Variants in CFAP57 observed in about 807,000 individuals in gnomAD.
CFAP57 encodes the protein cilia and flagella associated protein 57.
Under a neutral mutation model 146.8 loss-of-function variants are expected in CFAP57, and 116 were observed. The observed-to-expected ratio is 0.79, with a 90% CI of 0.68 to 0.92. The LOEUF (loss-of-function observed/expected upper bound fraction) is 0.92, where lower values mean the gene tolerates loss of function less well. Among genes scored for constraint, CFAP57 ranks in the 40% least tolerant of loss-of-function variants. The pLI, the probability that CFAP57 is intolerant of heterozygous loss-of-function variation, is 0.00. For synonymous variants in CFAP57, 518 were observed against 552.8 expected, an observed-to-expected ratio of 0.94 and a Z score of 0.88; for missense variants, 1,377 against 1,527.2, an observed-to-expected ratio of 0.90 and a Z score of 1.64.
intron 10 of CFAP57, among the ~76,000 whole-genome samples, chr1:43,208,824 G>T (rs1053048096): frequency 6.7e-6 from 1 of 149,802 alleles, no homozygotes; most frequent in African/African-American, 2.4e-5. Context: ...AAAAAAATAT[G>T]TGTGTAGGTG....
chr1:43,227,843 T>C (rs1455778281), intron 18 of CFAP57, among the ~76,000 whole-genome samples: 1 of 152,188 alleles, frequency 6.6e-6, no homozygotes, highest in African/African-American at 2.4e-5. Flanking sequence ...CAGTTTTCCC[T>C]CTCTCAGTTA....
At chr1:43,227,170 CTCT>C (rs1249808847) in intron 18 of CFAP57, 44 bp downstream of exon 18, 3 of 1,468,250 alleles carry the variant, frequency 2.0e-6, no homozygotes, top group Non-Finnish European at 2.7e-6. Context: ...GACCCTCTGT[CTCT>C]TCTTCCACAA....
chr1:43,242,825 T>C (rs1645976060), intron 21 of CFAP57, among the ~76,000 whole-genome samples: 1 of 152,096 alleles, frequency 6.6e-6, no homozygotes, highest in Non-Finnish European at 1.5e-5. Context: ...AATAACAATT[T>C]ATAATTGTTT....
chr1:43,235,118 C>T (rs549887182), intron 21 of CFAP57, among the ~76,000 whole-genome samples: 12 of 152,198 alleles, frequency 7.9e-5, no homozygotes, highest in East Asian at 5.8e-4. Context: ...CTCGTGGCCA[C>T]GCCTCATCTG....
At chr1:43,185,426 C>T in intron 5 of CFAP57, 70 bp downstream of exon 5, 1 of 1,440,694 alleles carries the variant, frequency 6.9e-7, no homozygotes. Context: ...CAGCAGTTCT[C>T]TGAGAAGGCA....
In CFAP57 at chr1:43,199,482, C is replaced by G; in HGVS notation, c.1521C>G (p.Ser507Arg). 1 of 1,614,166 alleles carries G rather than the reference C, an allele frequency of 6.2e-7. No homozygotes were observed. The highest frequency in any genetic ancestry group is 8.5e-7 in the Non-Finnish European group (1 of 1,180,038). Residue 507 changes from serine to arginine, a missense_variant, in exon 9 of 23, where the codon AGC (serine) becomes AGG (arginine). Physicochemically the swap from Ser to Arg is moderately radical, Grantham distance 110. Coordinates refer to ENST00000372492, the MANE Select transcript of CFAP57 (RefSeq NM_001378189.1). Reference protein sequence around the residue: ...YTTTSLENISSLKGHTGKIRS... With the variant: ...YTTTSLENISRLKGHTGKIRS... ...CCACGAGCCTAGAGAACATCTCAAG[C>G]CTGAAAGGACACACAGGGAAGGTAA...
Position 43,243,624 on chromosome 1 carries a change from C to T in CFAP57, c.3538+265C>T, listed in dbSNP as rs111844167. Among the ~76,000 whole-genome samples, 1,449 of 152,244 alleles carry T rather than the reference C, an allele frequency of 9.5e-3. 27 individuals carry two copies. Among genetic ancestry groups the T allele is most frequent in the African/African-American group, 0.032 (1,329 of 41,534 alleles). ...GCAGACTCTTTTAGATTTTAGAAAG[C>T]GAATACTTTATATAACATTCCCAGA... On this transcript the variant is annotated intron_variant, in intron 22 of 22. Transcript: ENST00000372492.
At chr1:43,205,891 A>G (rs751284334) in intron 9 of CFAP57, among the ~76,000 whole-genome samples, 1 of 152,208 alleles carries the variant, frequency 6.6e-6, no homozygotes, top group African/African-American at 2.4e-5. Flanking sequence ...CATGGCTTAA[A>G]TGCAGCAGAC....
chr1:43,197,710 T>C lies in CFAP57; in HGVS notation c.1262+18T>C, dbSNP rs372487432. The stretch of plus-strand genomic sequence containing the variant: ...GAAACAAAGTAAGGAATGAAAGGCT[T>C]GCCTACTTTATTATGCAAGACCCCA... On this transcript the variant is annotated intron_variant, in intron 7 of 22. Coordinates refer to ENST00000372492, the MANE Select transcript of CFAP57 (RefSeq NM_001378189.1). The C allele has an allele frequency of 1.1e-5, 18 of 1,614,112 alleles. No individual in the cohort carries two copies. In the African/African-American group the frequency reaches 1.9e-4, roughly 17 times the overall value.
At chr1:43,172,591 G>GAGGGACA (rs1645013025) in intron 1 of CFAP57, 138 bp downstream of exon 1, 2 of 634,226 alleles carry the variant, frequency 3.2e-6, no homozygotes, top group Admixed American at 2.2e-5. Context: ...GGGACAAGGG[G>GAGGGACA]AGGGGAAAGG....
chr1:43,253,776 C>A (rs1646377841), intron 22 of CFAP57, among the ~76,000 whole-genome samples: 1 of 152,112 alleles, frequency 6.6e-6, no homozygotes, highest in Non-Finnish European at 1.5e-5. Context: ...TTCACCTCAT[C>A]ACTCTGAAGT....
intron 22 of CFAP57, among the ~76,000 whole-genome samples, chr1:43,250,796 C>T (rs77943907): frequency 1.4e-3 from 209 of 152,212 alleles, no homozygotes; most frequent in African/African-American, 4.8e-3. Context: ...ACTCACTTGC[C>T]GGGACACAAC....
intron 6 of CFAP57, among the ~76,000 whole-genome samples, chr1:43,196,162 AT>A (rs2124406866): frequency 6.6e-6 from 1 of 152,356 alleles, no homozygotes; most frequent in Non-Finnish European, 1.5e-5. Flanking sequence ...GTGGTCATGC[AT>A]TTGCAGTGAA....
At chr1:43,210,022 T>G (rs1461565978) in intron 11 of CFAP57, 106 bp downstream of exon 11, 1 of 1,613,680 alleles carries the variant, frequency 6.2e-7, no homozygotes, top group Non-Finnish European at 8.5e-7. Context: ...TCTTCTCTCT[T>G]ATTTATTCAT....
intron 2 of CFAP57, 126 bp from the exon 3 acceptor site, chr1:43,181,408 C>T: frequency 8.6e-7 from 1 of 1,157,114 alleles, no homozygotes; most frequent in Non-Finnish European, 1.2e-6. Context: ...ACAGCTATGC[C>T]AAGGCCGCCT....
chr1:43,195,003 A>C (rs1643773201), intron 6 of CFAP57: 1 of 152,210 alleles, frequency 6.6e-6, no homozygotes, highest in Non-Finnish European at 1.5e-5. Context: ...CTTTATAAGA[A>C]GTTTCATTAC....
rs1421352810 is a variant in CFAP57 at position 43,219,535 on chromosome 1, C to G, written c.2245C>G (p.Gln749Glu). ...QEMESLKTKN[Q>E]VLRTEKEKQD... Reference sequence around the variant, plus strand: ...AATGGAGTCCTTGAAAACAAAAAACCAGGTCTGTTTAAGAGACTGACCAAC... The same window carrying G: ...AATGGAGTCCTTGAAAACAAAAAACGAGGTCTGTTTAAGAGACTGACCAAC... Residue 749 changes from glutamine to glutamate, a missense_variant and splice_region_variant, in exon 13 of 23, where the codon CAG (glutamine) becomes GAG (glutamate). Transcript: ENST00000372492. 2 of 1,550,378 alleles carry G rather than the reference C, an allele frequency of 1.3e-6. No homozygotes were observed. The highest frequency in any genetic ancestry group is 4.9e-5 in the East Asian group (2 of 40,930).
At chr1:43,172,562 CG>C (rs1490467535) in intron 1 of CFAP57, 109 bp downstream of exon 1, 3 of 407,440 alleles carry the variant, frequency 7.4e-6, no homozygotes, top group Non-Finnish European at 1.2e-5. Flanking sequence ...AGGAGGACCC[CG>C]GGGGAGGGGA....
rs1385983181 is a variant in CFAP57 at position 43,231,681 on chromosome 1, C to G, written c.3010-827C>G. Among the ~76,000 whole-genome samples, 15 of 145,082 alleles carry G rather than the reference C, an allele frequency of 1.0e-4. No homozygotes were observed. In the Admixed American group the frequency reaches 1.1e-3, roughly 10 times the overall value. ...CCAGCCTGGACAACATGGTGAAACC[C>G]TGTCTCTCCTAAAAATACAAAAAAA... On this transcript the variant is annotated intron_variant, in intron 18 of 22. Transcript: ENST00000372492.
Sources: allele counts gnomAD v4.1 joint callset (sites outside exome capture counted in the v4.1 genomes callset), GRCh38; gene constraint gnomAD v4.1.1; transcripts MANE v1.5; gene names NCBI Gene and HGNC (gene_info 2026-07-23, HGNC 2026-07-21).